The following GRM7 variants were observed in gnomAD, a reference collection of about 807,000 sequenced individuals.
GRM7 encodes glutamate metabotropic receptor 7, also known as metabotropic glutamate receptor 7.
A neutral mutation model predicts 84.5 loss-of-function variants in GRM7; 35 were observed. The ratio of observed to expected loss-of-function variants is 0.41; its 90% CI spans 0.32 to 0.55. The LOEUF is 0.55. Among genes scored for constraint, GRM7 ranks in the 20% least tolerant of loss-of-function variants. The pLI is 0.19. For synonymous variants in GRM7, 487 were observed against 455.1 expected, an observed-to-expected ratio of 1.07 and a Z score of -0.89; for missense variants, 1,003 against 1,194.6, an observed-to-expected ratio of 0.84 and a Z score of 2.36.
At chr3:7,626,162 C>T (rs1238085701) in intron 8 of GRM7, among the ~76,000 whole-genome samples, 1 of 152,156 alleles carries the variant, frequency 6.6e-6, no homozygotes, top group Non-Finnish European at 1.5e-5. Flanking sequence ...GCACTTCCTA[C>T]TCTGAGGGTC....
intron 7 of GRM7, among the ~76,000 whole-genome samples, chr3:7,527,604 A>G (rs1485291232): frequency 1.3e-5 from 2 of 151,866 alleles, no homozygotes; most frequent in South Asian, 4.2e-4. Context: ...GTCTTGTTCC[A>G]GTTCTTAGGG....
At chr3:7,510,267 A>C (rs1283987589) in intron 7 of GRM7, among the ~76,000 whole-genome samples, 1 of 152,112 alleles carries the variant, frequency 6.6e-6, no homozygotes, top group African/African-American at 2.4e-5. Context: ...TTGTCTTTTG[A>C]ACATTCAGGC....
chr3:7,716,253 A>G (rs978466319), intron 9 of GRM7, among the ~76,000 whole-genome samples: 1 of 152,060 alleles, frequency 6.6e-6, no homozygotes, highest in African/African-American at 2.4e-5. Context: ...CCTTCTTACA[A>G]TCCATTCTAA....
At chr3:7,164,854 A>C (rs1467977120) in intron 2 of GRM7, among the ~76,000 whole-genome samples, 1 of 152,202 alleles carries the variant, frequency 6.6e-6, no homozygotes, top group Admixed American at 6.5e-5. Flanking sequence ...AGTCTAGGAG[A>C]GAAGATCTGG....
At chr3:7,494,151 C>G (rs1232406344) in intron 7 of GRM7, among the ~76,000 whole-genome samples, 1 of 152,132 alleles carries the variant, frequency 6.6e-6, no homozygotes, top group Non-Finnish European at 1.5e-5. Context: ...TTAAAGAGCT[C>G]TCTTTCAGAG....
chr3:7,200,327 G>A (rs796842886), intron 2 of GRM7, among the ~76,000 whole-genome samples: 1 of 152,156 alleles, frequency 6.6e-6, no homozygotes, highest in Non-Finnish European at 1.5e-5. Context: ...CACCTTTAAA[G>A]AAATCAGAAT....
intron 4 of GRM7, among the ~76,000 whole-genome samples, chr3:7,313,144 G>T (rs1351463332): frequency 1.3e-5 from 2 of 151,724 alleles, no homozygotes; most frequent in Non-Finnish European, 2.9e-5. Context: ...GGTCAGGCTG[G>T]TCTCAAACTC....
intron 2 of GRM7, among the ~76,000 whole-genome samples, chr3:7,183,916 G>A (rs931567777): frequency 2.3e-4 from 35 of 152,062 alleles, no homozygotes; most frequent in Admixed American, 2.0e-4. Flanking sequence ...GGAACATGAG[G>A]GTGCATTAGG....
chr3:6,964,634 A>G (rs1436443838), intron 1 of GRM7, among the ~76,000 whole-genome samples: 1 of 152,230 alleles, frequency 6.6e-6, no homozygotes, highest in Admixed American at 6.5e-5. Context: ...CCCATCTGCA[A>G]TTATAGTCTC....
At chr3:7,519,683 T>G (rs1371367181) in intron 7 of GRM7, 1 of 152,232 alleles carries the variant, frequency 6.6e-6, no homozygotes, top group African/African-American at 2.4e-5. Flanking sequence ...CAGTAACAGT[T>G]ACCTTTAGTA....
chr3:6,914,559 C>T (rs1456773800), intron 1 of GRM7, among the ~76,000 whole-genome samples: 3 of 151,920 alleles, frequency 2.0e-5, no homozygotes, highest in Admixed American at 6.6e-5. Flanking sequence ...TGCACCAGCA[C>T]GCCTGGCTAA....
chr3:7,526,122 A>G (rs1700797282), intron 7 of GRM7, among the ~76,000 whole-genome samples: 1 of 152,164 alleles, frequency 6.6e-6, no homozygotes, highest in Non-Finnish European at 1.5e-5. Flanking sequence ...AGAAATCTCC[A>G]AACTACTTTC....
chr3:7,496,157 G>A (rs1699694383), intron 7 of GRM7, among the ~76,000 whole-genome samples: 2 of 152,062 alleles, frequency 1.3e-5, no homozygotes, highest in South Asian at 4.2e-4. Flanking sequence ...CTTTAATCTT[G>A]TACTCAAAAG....
intron 9 of GRM7, among the ~76,000 whole-genome samples, chr3:7,686,905 A>C (rs1700607675): frequency 6.6e-6 from 1 of 152,206 alleles, no homozygotes; most frequent in Non-Finnish European, 1.5e-5. Flanking sequence ...AAATACATTC[A>C]AAGAAGTGTA....
chr3:7,360,547 T>G (rs1693616106), intron 4 of GRM7, among the ~76,000 whole-genome samples: 1 of 152,156 alleles, frequency 6.6e-6, no homozygotes, highest in African/African-American at 2.4e-5. Flanking sequence ...AGTATTGTGC[T>G]CATCAATATC....
chr3:7,048,008 C>A (rs1328676513), intron 1 of GRM7, among the ~76,000 whole-genome samples: 1 of 151,900 alleles, frequency 6.6e-6, no homozygotes, highest in African/African-American at 2.4e-5. Flanking sequence ...AAATAACTTC[C>A]TCTGACATGA....
At chr3:7,018,947 A>G (rs1695672725) in intron 1 of GRM7, among the ~76,000 whole-genome samples, 1 of 152,156 alleles carries the variant, frequency 6.6e-6, no homozygotes, top group Non-Finnish European at 1.5e-5. Context: ...AAATACAAAA[A>G]TTAGCCAGGC....
chr3:7,557,021 C>G (rs923807555), intron 7 of GRM7, among the ~76,000 whole-genome samples: 3 of 152,124 alleles, frequency 2.0e-5, no homozygotes, highest in Non-Finnish European at 4.4e-5. Context: ...GCAATGAAAA[C>G]CCATCTGATG....
intron 2 of GRM7, among the ~76,000 whole-genome samples, chr3:7,169,244 C>G (rs747477182): frequency 6.6e-6 from 1 of 151,978 alleles, no homozygotes; most frequent in Non-Finnish European, 1.5e-5. Flanking sequence ...AAAAGAATAT[C>G]AAAAGTTTGC....
Sources: allele counts gnomAD v4.1 joint callset (sites outside exome capture counted in the v4.1 genomes callset), GRCh38; gene constraint gnomAD v4.1.1; transcripts MANE v1.5; gene names NCBI Gene and HGNC (gene_info 2026-07-23, HGNC 2026-07-21).